SGIP1: variants seen among roughly 807,000 people sequenced by gnomAD.
The protein encoded by SGIP1 is SH3GL interacting endocytic adaptor 1.
SGIP1 carries 38 observed loss-of-function variants against 107.5 expected under a neutral mutation model. That is an observed-to-expected ratio of 0.35 (90% CI 0.27 to 0.46). The LOEUF (loss-of-function observed/expected upper bound fraction) is 0.46, where lower values mean the gene tolerates loss of function less well. Among genes scored for constraint, SGIP1 ranks in the 20% least tolerant of loss-of-function variants. The probability of loss-of-function intolerance (pLI) is 1.00; values close to 1 mark genes in which losing one functional copy is unlikely to be tolerated. For synonymous variants in SGIP1, 365 were observed against 366.1 expected, an observed-to-expected ratio of 1.00 and a Z score of 0.03; for missense variants, 929 against 1,019.5, an observed-to-expected ratio of 0.91 and a Z score of 1.21.
chr1:66,621,665 C>A (rs1381318706), intron 1 of SGIP1, among the ~76,000 whole-genome samples: 2 of 152,228 alleles, frequency 1.3e-5, no homozygotes, highest in African/African-American at 4.8e-5. Context: ...AATTTGCCTA[C>A]TCTGGAAATT....
intron 1 of SGIP1, among the ~76,000 whole-genome samples, chr1:66,603,322 C>T (rs986172236): frequency 1.3e-5 from 2 of 152,030 alleles, no homozygotes; most frequent in African/African-American, 4.8e-5. Flanking sequence ...AAATCACATC[C>T]TATGTAAGAA....
At chr1:66,736,386 T>TGTG (rs2094244966) in intron 21 of SGIP1, among the ~76,000 whole-genome samples, 1 of 74,800 alleles carries the variant, frequency 1.3e-5, no homozygotes, top group South Asian at 5.1e-4. Flanking sequence ...ATATAATATA[T>TGTG]AATATATGTG....
chr1:66,642,905 C>T (rs774264141), intron 6 of SGIP1, 41 bp downstream of exon 6: 2 of 1,499,336 alleles, frequency 1.3e-6, no homozygotes. Context: ...TTCATTCACT[C>T]TCAGAAAACA....
chr1:66,715,444 TA>T, intron 18 of SGIP1, among the ~76,000 whole-genome samples: 1 of 151,752 alleles, frequency 6.6e-6, no homozygotes, highest in Non-Finnish European at 1.5e-5. Context: ...GCCCAGAAGT[TA>T]ACATAGCTAG....
chr1:66,697,353 T>C (rs1313396386), intron 18 of SGIP1, among the ~76,000 whole-genome samples: 1 of 152,212 alleles, frequency 6.6e-6, no homozygotes. Context: ...GCCATTCTAA[T>C]TAGTGAGACC....
rs867434606 is a variant in SGIP1, at chr1:66,741,290, C to A, written c.2318C>A (p.Ala773Glu). 1 of 1,587,326 alleles carries A rather than the reference C, an allele frequency of 6.3e-7. No individual in the cohort carries two copies. Among genetic ancestry groups the A allele is most frequent in the Admixed American group, 1.8e-5 (1 of 55,672 alleles). Reference protein sequence around the residue: ...SENGGVGSLLARFQLSEGPSK... With the variant: ...SENGGVGSLLERFQLSEGPSK... Reference sequence around the variant, plus strand: ...TTTTTAGGGGTGGGTTCTTTGTTGGCAAGATTTCAGTTATCTGAAGGCCCA... The same window carrying A: ...TTTTTAGGGGTGGGTTCTTTGTTGGAAAGATTTCAGTTATCTGAAGGCCCA... The change falls in exon 24 of 25, where the codon GCA becomes GAA. Residue 773 changes from alanine to glutamate, a missense_variant. Physicochemically the swap from Ala to Glu is moderately radical, Grantham distance 107. Coordinates refer to ENST00000371037, the MANE Select transcript of SGIP1 (RefSeq NM_032291.4).
chr1:66,654,102 G>A (rs1029392603), intron 7 of SGIP1, among the ~76,000 whole-genome samples: 4 of 152,078 alleles, frequency 2.6e-5, no homozygotes, highest in African/African-American at 7.2e-5. Flanking sequence ...TGTCTGGGTG[G>A]ATGGATGCAC....
rs868790818 is a variant in SGIP1 at position 66,748,477 on chromosome 1, C to A, written c.*5382C>A. ...GGCCCTCACATTTAATATCTGATTTCTCTCCTAAATGGGTATGTCTATGAG... is the reference window on the plus strand; with the variant it reads ...GGCCCTCACATTTAATATCTGATTTATCTCCTAAATGGGTATGTCTATGAG... On this transcript the variant is annotated 3_prime_UTR_variant, in exon 25 of 25. Transcript: ENST00000371037. 4.6e-5 allele frequency among the ~76,000 whole-genome samples: 7 copies of A among 151,924 alleles called. No individual in the cohort carries two copies. The highest frequency in any genetic ancestry group is 1.4e-4 in the African/African-American group (6 of 41,418).
In SGIP1 at chr1:66,748,647, T is replaced by A. The variant is rs2094584878; in HGVS notation, c.*5552T>A. On this transcript the variant is annotated 3_prime_UTR_variant, in exon 25 of 25. Transcript: ENST00000371037. ...CTTGCCTACCTTAAATACATCTTTA[T>A]CCTTGTAAAAAATGTTTTGGCAAAA... is the stretch of plus-strand genomic sequence containing the variant. 6.6e-6 allele frequency among the ~76,000 whole-genome samples: 1 copy of A among 152,024 alleles called. No homozygotes were observed. Among genetic ancestry groups the A allele is most frequent in the Admixed American group, 6.5e-5 (1 of 15,268 alleles).
intron 3 of SGIP1, among the ~76,000 whole-genome samples, chr1:66,635,692 G>A (rs1172737449): frequency 2.0e-5 from 3 of 152,098 alleles, no homozygotes; most frequent in Non-Finnish European, 4.4e-5. Flanking sequence ...TAGTGCCTGG[G>A]ACATATCTTC....
chr1:66,613,851 T>A (rs1005397939), intron 1 of SGIP1, among the ~76,000 whole-genome samples: 2 of 152,304 alleles, frequency 1.3e-5, no homozygotes, highest in Admixed American at 1.3e-4. Context: ...TAATATTAGA[T>A]GTTGTATCTC....
intron 5 of SGIP1, among the ~76,000 whole-genome samples, chr1:66,642,354 ACC>A (rs1315211906): frequency 6.6e-6 from 1 of 152,006 alleles, no homozygotes; most frequent in Non-Finnish European, 1.5e-5. Context: ...GTCCTGAAAG[ACC>A]CATAAAGACC....
At chr1:66,652,857 T>C (rs1374996152) in intron 7 of SGIP1, among the ~76,000 whole-genome samples, 1 of 152,198 alleles carries the variant, frequency 6.6e-6, no homozygotes, top group Non-Finnish European at 1.5e-5. Context: ...AAAGATTGCA[T>C]GCATTCTGAT....
At chr1:66,620,698 G>A (rs1194469515) in intron 1 of SGIP1, among the ~76,000 whole-genome samples, 1 of 152,198 alleles carries the variant, frequency 6.6e-6, no homozygotes, top group Admixed American at 6.5e-5. Context: ...TACAATTCCA[G>A]ATGTGATTTG....
At chr1:66,596,709 T>C (rs546386455) in intron 1 of SGIP1, among the ~76,000 whole-genome samples, 24 of 151,756 alleles carry the variant, frequency 1.6e-4, no homozygotes, top group African/African-American at 5.1e-4. Context: ...TCAATGTCAA[T>C]TTCCTGATTG....
In SGIP1 at chr1:66,534,202, G is replaced by A; in HGVS notation, c.-157G>A. ...GTGAAGAAGCACCAGCAGCATCCAT[G>A]GCCTGTCTTTTGGCTTAACACTTAT... On this transcript the variant is annotated 5_prime_UTR_variant, in exon 1 of 25. The change abolishes an upstream ATG in the 5' untranslated region. Coordinates refer to ENST00000371037, the MANE Select transcript of SGIP1 (RefSeq NM_032291.4). 2.8e-6 allele frequency: 2 copies of A among 714,064 alleles called. No homozygotes were observed. Among genetic ancestry groups the A allele is most frequent in the Non-Finnish European group, 5.0e-6 (2 of 402,134 alleles). The allele number at this position is 714,064 out of a possible 1,614,324, so 44.2% of individuals were successfully genotyped here.
chr1:66,692,080 A>T (rs2089977853), intron 17 of SGIP1, among the ~76,000 whole-genome samples: 1 of 150,472 alleles, frequency 6.6e-6, no homozygotes, highest in African/African-American at 2.5e-5. Context: ...AATCCCTTGA[A>T]CTCGGGAGGC....
At chr1:66,550,447 A>C (rs1232821049) in intron 1 of SGIP1, among the ~76,000 whole-genome samples, 2 of 152,068 alleles carry the variant, frequency 1.3e-5, no homozygotes, top group Non-Finnish European at 2.9e-5. Context: ...TAACTTGCCA[A>C]AACATAACTG....
At chr1:66,643,315 C>T (rs1388548496) in intron 6 of SGIP1, among the ~76,000 whole-genome samples, 2 of 152,092 alleles carry the variant, frequency 1.3e-5, no homozygotes, top group East Asian at 3.9e-4. Flanking sequence ...TCAACTGCAG[C>T]AAAAATGTAG....
Sources: gnomAD v4.1 joint callset for allele counts (sites outside exome capture counted in the v4.1 genomes callset) on GRCh38, gnomAD v4.1.1 for gene constraint, MANE v1.5 for transcripts, NCBI Gene and HGNC (gene_info 2026-07-23, HGNC 2026-07-21) for gene names.